SUMF1: variants seen among roughly 807,000 people sequenced by gnomAD.
SUMF1 encodes the protein sulfatase modifying factor 1.
In SUMF1, 48 loss-of-function variants were observed where a neutral mutation model predicts 47.6. The observed-to-expected ratio is 1.01, with a 90% CI of 0.80 to 1.28. The LOEUF is 1.28. Ranked by LOEUF, SUMF1 falls within the 50% of genes most tolerant of loss-of-function variation. The pLI, the probability that SUMF1 is intolerant of heterozygous loss-of-function variation, is 0.00. For synonymous variants in SUMF1, 230 were observed against 192.1 expected, an observed-to-expected ratio of 1.20 and a Z score of -1.63; for missense variants, 571 against 485.4, an observed-to-expected ratio of 1.18 and a Z score of -1.66.
chr3:4,376,805 A>T (rs1420809761), intron 7 of SUMF1, among the ~76,000 whole-genome samples: 1 of 151,874 alleles, frequency 6.6e-6, no homozygotes, highest in Non-Finnish European at 1.5e-5. Flanking sequence ...TGAAACAAAA[A>T]TTTTTCTTGA....
In SUMF1 at chr3:4,108,451, G is replaced by C. The variant is rs1693209499; in HGVS notation, c.1015-39706C>G. On this transcript the variant is annotated intron_variant and NMD_transcript_variant, in intron 8 of 12. Coordinates refer to the SUMF1 transcript ENST00000448413. ...ATGTCTATTAGGTCCGCTTGGTGCA[G>C]AGCTGAGTTCAATTCCTGGATATCC... Among the ~76,000 whole-genome samples, 4 of 152,102 alleles carry C rather than the reference G, an allele frequency of 2.6e-5. No homozygotes were observed. The South Asian group carries it at 8.3e-4, about 32-fold the overall frequency.
At chr3:4,332,731 G>C (rs1699074151) in intron 8 of SUMF1, among the ~76,000 whole-genome samples, 1 of 152,160 alleles carries the variant, frequency 6.6e-6, no homozygotes, top group African/African-American at 2.4e-5. Flanking sequence ...AGAAGACAGG[G>C]AAATACTGGG....
chr3:4,457,791 G>C (rs2079703274), intron 1 of SUMF1, among the ~76,000 whole-genome samples: 1 of 152,106 alleles, frequency 6.6e-6, no homozygotes, highest in Non-Finnish European at 1.5e-5. Flanking sequence ...AAAACTACTA[G>C]AAGAAAACAT....
At chr3:4,155,971 T>G (rs558146781) in intron 8 of SUMF1, among the ~76,000 whole-genome samples, 1 of 151,520 alleles carries the variant, frequency 6.6e-6, no homozygotes, top group African/African-American at 2.4e-5. Context: ...GGTATAACAC[T>G]TGACCAAAGC....
chr3:4,302,190 TC>T (rs1559209568), intron 8 of SUMF1, among the ~76,000 whole-genome samples: 1 of 152,200 alleles, frequency 6.6e-6, no homozygotes. Flanking sequence ...CCTCAGGCAG[TC>T]CTGATGACAT....
intron 8 of SUMF1, chr3:4,313,919 C>T (rs1400584437): frequency 7.6e-7 from 1 of 1,316,130 alleles, no homozygotes; most frequent in Admixed American, 2.8e-5. Context: ...TAATAGAATT[C>T]TCCATTTAAC....
At chr3:4,149,562 C>A (rs956190792) in intron 8 of SUMF1, among the ~76,000 whole-genome samples, 1 of 152,130 alleles carries the variant, frequency 6.6e-6, no homozygotes. Context: ...CTTTGAACCA[C>A]GTCATTAGGA....
At chr3:4,148,431 C>T (rs1326274269) in intron 8 of SUMF1, among the ~76,000 whole-genome samples, 1 of 152,074 alleles carries the variant, frequency 6.6e-6, no homozygotes. Flanking sequence ...TGAGCTATTT[C>T]CTCAGAATCA....
chr3:4,352,983 G>C (rs1317264586), intron 8 of SUMF1, among the ~76,000 whole-genome samples: 1 of 152,186 alleles, frequency 6.6e-6, no homozygotes, highest in Non-Finnish European at 1.5e-5. Context: ...GTCAGACCTT[G>C]CTCTTCTCCT....
intron 8 of SUMF1, among the ~76,000 whole-genome samples, chr3:4,118,949 T>C (rs988899622): frequency 8.5e-5 from 13 of 152,284 alleles, no homozygotes; most frequent in South Asian, 4.1e-4. Flanking sequence ...CAAATCTGTA[T>C]CCCTTGAGCT....
chr3:4,433,310 C>T (rs1001225548), intron 3 of SUMF1, among the ~76,000 whole-genome samples: 1 of 152,140 alleles, frequency 6.6e-6, no homozygotes, highest in African/African-American at 2.4e-5. Context: ...CTCTGGGACC[C>T]CAGCATGCCT....
intron 8 of SUMF1, among the ~76,000 whole-genome samples, chr3:4,144,614 T>C (rs1246193459): frequency 6.6e-6 from 1 of 152,098 alleles, no homozygotes; most frequent in African/African-American, 2.4e-5. Flanking sequence ...ATGGGAAAGG[T>C]TAATGCCTGT....
At chr3:4,164,628 T>C (rs952370454) in intron 8 of SUMF1, among the ~76,000 whole-genome samples, 7 of 152,178 alleles carry the variant, frequency 4.6e-5, no homozygotes, top group Non-Finnish European at 1.0e-4. Context: ...CCAAGGTTTG[T>C]TTGTCTGAGG....
intron 8 of SUMF1, among the ~76,000 whole-genome samples, chr3:4,365,647 T>A (rs1317471533): frequency 6.8e-6 from 1 of 146,820 alleles, no homozygotes; most frequent in African/African-American, 2.5e-5. Flanking sequence ...TACAGCACAC[T>A]GATGGGTCTT....
intron 7 of SUMF1, among the ~76,000 whole-genome samples, chr3:4,397,674 C>T (rs1000425613): frequency 6.6e-6 from 1 of 151,972 alleles, no homozygotes; most frequent in Non-Finnish European, 1.5e-5. Flanking sequence ...TGATTAGATG[C>T]CATGTTTACT....
Position 4,045,132 on chromosome 3 carries a change from C to T in SUMF1, c.1191+23437G>A, listed in dbSNP as rs146642221. Among the ~76,000 whole-genome samples the T allele has an allele frequency of 2.4e-3, 369 of 152,196 alleles. 2 individuals are homozygous for T. The highest frequency in any genetic ancestry group is 8.4e-3 in the African/African-American group (351 of 41,540). ...GGTGTTTTGTAGATGTGATTACAGT[C>T]CACAGTCAGTTAATTATAAGTACAG... is the stretch of plus-strand genomic sequence containing the variant. On this transcript the variant is annotated intron_variant and NMD_transcript_variant, in intron 9 of 12. Transcript: ENST00000448413.
intron 8 of SUMF1, among the ~76,000 whole-genome samples, chr3:4,138,178 A>G (rs1435518326): frequency 6.6e-6 from 1 of 152,154 alleles, no homozygotes; most frequent in Non-Finnish European, 1.5e-5. Flanking sequence ...ATCTGTGTCC[A>G]TGGATTGCAA....
intron 8 of SUMF1, among the ~76,000 whole-genome samples, chr3:4,352,436 G>T (rs1305329854): frequency 6.6e-6 from 1 of 152,086 alleles, no homozygotes; most frequent in African/African-American, 2.4e-5. Flanking sequence ...AATGAACACA[G>T]TCTACCAGGA....
intron 8 of SUMF1, among the ~76,000 whole-genome samples, chr3:4,076,524 C>T (rs1004297276): frequency 2.0e-5 from 3 of 152,054 alleles, no homozygotes; most frequent in African/African-American, 4.8e-5. Context: ...AGCTTCTGCA[C>T]AGCAAATGAA....
Sources: allele counts gnomAD v4.1 joint callset (sites outside exome capture counted in the v4.1 genomes callset), GRCh38; gene constraint gnomAD v4.1.1; transcripts MANE v1.5; gene names NCBI Gene and HGNC (gene_info 2026-07-23, HGNC 2026-07-21).